The following SORCS1 variants were observed in gnomAD, a reference collection of about 807,000 sequenced individuals.
SORCS1 encodes sortilin related VPS10 domain containing receptor 1.
Under a neutral mutation model 146.1 loss-of-function variants are expected in SORCS1, and 60 were observed. The observed-to-expected ratio is 0.41, with a 90% CI of 0.33 to 0.51. The LOEUF (loss-of-function observed/expected upper bound fraction) is 0.51. Among genes scored for constraint, SORCS1 ranks in the 20% least tolerant of loss-of-function variants. The pLI is 0.21. For synonymous variants in SORCS1, 637 were observed against 584.0 expected (o/e 1.09, Z -1.31); for missense variants, 1,352 against 1,487.6 (o/e 0.91, Z 1.50).
At chr10:106,832,582 T>C (rs754218782) in intron 2 of SORCS1, among the ~76,000 whole-genome samples, 1 of 152,188 alleles carries the variant, frequency 6.6e-6, no homozygotes, top group Non-Finnish European at 1.5e-5. Context: ...CGCATCTTGC[T>C]AGCCTTATTC....
At chr10:106,865,336 C>G (rs1293008248) in intron 2 of SORCS1, among the ~76,000 whole-genome samples, 2 of 152,178 alleles carry the variant, frequency 1.3e-5, no homozygotes, top group African/African-American at 4.8e-5. Flanking sequence ...GGTTTTGCAG[C>G]CTTCGCTGTT....
At chr10:107,111,064 C>T (rs182662165) in intron 1 of SORCS1, among the ~76,000 whole-genome samples, 7 of 152,314 alleles carry the variant, frequency 4.6e-5, no homozygotes, top group African/African-American at 1.7e-4. Flanking sequence ...AGAGTCTCAA[C>T]ATGAGGAGGC....
intron 1 of SORCS1, among the ~76,000 whole-genome samples, chr10:107,129,328 G>A (rs534818615): frequency 6.6e-6 from 1 of 152,308 alleles, no homozygotes; most frequent in South Asian, 2.1e-4. Flanking sequence ...GCCGTGGGAC[G>A]AAAGAACATA....
At chr10:106,858,607 CAAAAAAA>C (rs71482495) in intron 2 of SORCS1, among the ~76,000 whole-genome samples, 1 of 81,162 alleles carries the variant, frequency 1.2e-5, no homozygotes, top group Non-Finnish European at 2.3e-5. Context: ...GCCTCTGTCT[CAAAAAAA>C]AAAAAAAAAA....
At chr10:106,961,346 C>T (rs1448877193) in intron 1 of SORCS1, among the ~76,000 whole-genome samples, 3 of 152,126 alleles carry the variant, frequency 2.0e-5, no homozygotes, top group Non-Finnish European at 2.9e-5. Context: ...AAGTGAAACT[C>T]CAAACATTTA....
chr10:106,859,868 C>G (rs955364241), intron 2 of SORCS1, among the ~76,000 whole-genome samples: 10 of 152,298 alleles, frequency 6.6e-5, no homozygotes, highest in South Asian at 6.2e-4. Flanking sequence ...GAGCAAAATG[C>G]ATTTATGCTT....
intron 19 of SORCS1, among the ~76,000 whole-genome samples, chr10:106,625,206 G>GTA (rs1848022369): frequency 1.2e-5 from 1 of 83,356 alleles, no homozygotes; most frequent in African/African-American, 7.4e-5. Context: ...GATTCTGTGT[G>GTA]TGTGTGTGTG....
Position 106,667,689 on chromosome 10 carries a change from C to T in SORCS1, c.2303G>A (p.Gly768Glu). The T allele has an allele frequency of 6.2e-7, 1 of 1,612,374 alleles. No individual in the cohort carries two copies. Among genetic ancestry groups the T allele is most frequent in the Non-Finnish European group, 8.5e-7 (1 of 1,178,734 alleles). ...CAAGGTCACTACTCCAGACACTTAC[C>T]CAGTACTATTGAGGTAACTCTGTCC... ...SLGQSYLNST[G>E]YRKVVSNNCT... The change falls in exon 17 of 26, where the codon GGG (glycine) becomes GAG (glutamate). Residue 768 changes from glycine to glutamate, a missense_variant and splice_region_variant. Around this residue, in one of 3 missense-constraint regions of SORCS1, gnomAD observed 648 missense variants for 793.8 expected, o/e 0.82. Coordinates refer to ENST00000263054, the MANE Select transcript of SORCS1 (RefSeq NM_052918.5).
At chr10:106,736,311 C>A (rs895299466) in intron 5 of SORCS1, among the ~76,000 whole-genome samples, 1 of 152,088 alleles carries the variant, frequency 6.6e-6, no homozygotes, top group African/African-American at 2.4e-5. Context: ...TGGGATAGCA[C>A]CTATTTATTC....
chr10:107,095,803 T>A (rs912833555), intron 1 of SORCS1, among the ~76,000 whole-genome samples: 1 of 152,048 alleles, frequency 6.6e-6, no homozygotes, highest in African/African-American at 2.4e-5. Context: ...AAAAAAAGGT[T>A]ACCTCCCATC....
rs544646335 is a variant in SORCS1 at position 106,705,327 on chromosome 10, G to A, written c.1233+1218C>T. On this transcript the variant is annotated intron_variant, in intron 8 of 25. Transcript: ENST00000263054. ...TTACATCCCACCTTTCACTACGTTA[G>A]GGTGAGGGAAGGGTGGTAGCCAAGA... Among the ~76,000 whole-genome samples the A allele has an allele frequency of 3.2e-4, 48 of 152,282 alleles. 1 individual carries two copies. The South Asian group carries it at 4.4e-3, about 14-fold the overall frequency.
chr10:106,965,115 G>A (rs866988747), intron 1 of SORCS1, among the ~76,000 whole-genome samples: 1 of 151,970 alleles, frequency 6.6e-6, no homozygotes, highest in Non-Finnish European at 1.5e-5. Flanking sequence ...TGTCCCCTCT[G>A]ACAGTGTCAG....
chr10:106,718,012 CTA>C (rs1323848702), intron 6 of SORCS1, among the ~76,000 whole-genome samples: 1 of 152,120 alleles, frequency 6.6e-6, no homozygotes, highest in African/African-American at 2.4e-5. Context: ...ACTATTCAGA[CTA>C]TGTTATAGAG....
chr10:106,822,851 G>A (rs539230543), intron 3 of SORCS1, among the ~76,000 whole-genome samples: 1 of 147,542 alleles, frequency 6.8e-6, no homozygotes, highest in East Asian at 2.0e-4. Flanking sequence ...TATGATCTCG[G>A]CTCACCACAA....
intron 2 of SORCS1, among the ~76,000 whole-genome samples, chr10:106,879,923 A>G (rs1201103269): frequency 2.6e-5 from 4 of 152,218 alleles, no homozygotes; most frequent in Non-Finnish European, 5.9e-5. Flanking sequence ...GAGCAAGCTG[A>G]GCTCATCTGG....
In SORCS1 at chr10:106,709,352, AAAAC is replaced by A. The variant is rs1340832370; in HGVS notation, c.1025-15_1025-12del. On this transcript the variant is annotated splice_polypyrimidine_tract_variant and intron_variant, in intron 6 of 25. Coordinates refer to ENST00000263054, the MANE Select transcript of SORCS1 (RefSeq NM_052918.5). ...TTAGATAATGTGAATCTGAAAAACA[AAAAC>A]AAAAACAAAAACATGGGGTTGAGGG... The A allele has an allele frequency of 6.5e-7, 1 of 1,538,312 alleles. No individual in the cohort carries two copies. Among genetic ancestry groups the A allele is most frequent in the Non-Finnish European group, 9.0e-7 (1 of 1,111,516 alleles).
At chr10:106,686,784 T>C (rs540553741) in intron 10 of SORCS1, among the ~76,000 whole-genome samples, 151 of 152,310 alleles carry the variant, frequency 9.9e-4, no homozygotes, top group African/African-American at 3.3e-3. Flanking sequence ...GGTCAAGCTA[T>C]GGCTGCTGGC....
intron 2 of SORCS1, among the ~76,000 whole-genome samples, chr10:106,852,886 G>C (rs1324804610): frequency 6.6e-6 from 1 of 152,248 alleles, no homozygotes; most frequent in East Asian, 1.9e-4. Flanking sequence ...GGATTGAGGG[G>C]TTTTGCATCT....
At chr10:107,121,008 A>G (rs1590183729) in intron 1 of SORCS1, among the ~76,000 whole-genome samples, 1 of 152,240 alleles carries the variant, frequency 6.6e-6, no homozygotes, top group Admixed American at 6.5e-5. Context: ...AGCGACCAGC[A>G]CTTCGAAAAG....
Sources: allele counts gnomAD v4.1 joint callset (sites outside exome capture counted in the v4.1 genomes callset), GRCh38; gene constraint gnomAD v4.1.1; regional missense constraint gnomAD v4.1.1; transcripts MANE v1.5; gene names NCBI Gene and HGNC (gene_info 2026-07-23, HGNC 2026-07-21).